NEIL2: variants seen among roughly 807,000 people sequenced by gnomAD.
The protein encoded by NEIL2 is nei like DNA glycosylase 2.
NEIL2 carries 23 observed loss-of-function variants against 22.2 expected under a neutral mutation model. The observed-to-expected ratio is 1.04, with a 90% CI of 0.75 to 1.47. The LOEUF is 1.47. NEIL2 is among the 40% of genes most tolerant of loss of function. The pLI is 0.00. For missense variants in NEIL2, 583 were observed against 404.7 expected, an observed-to-expected ratio of 1.44 and a Z score of -3.78; for synonymous variants, 229 against 164.8, an observed-to-expected ratio of 1.39 and a Z score of -2.99.
intron 4 of NEIL2, among the ~76,000 whole-genome samples, chr8:11,785,267 A>T (rs1354539520): frequency 1.3e-5 from 2 of 152,070 alleles, no homozygotes; most frequent in Non-Finnish European, 2.9e-5. Context: ...ACAATCTCAG[A>T]TTACTGCAAG....
chr8:11,784,589 C>T (rs1041916839), intron 4 of NEIL2, among the ~76,000 whole-genome samples: 9 of 152,208 alleles, frequency 5.9e-5, no homozygotes, highest in Non-Finnish European at 1.3e-4. Context: ...TCCAAACACA[C>T]AGACACTCAC....
Position 11,786,381 on chromosome 8 carries a change from C to T in NEIL2, c.*108C>T, listed in dbSNP as rs1804956817. 8.8e-6 allele frequency: 9 copies of T among 1,027,232 alleles called. No individual in the cohort carries two copies. The highest frequency in any genetic ancestry group is 1.3e-5 in the Non-Finnish European group (9 of 671,222). The allele number at this position is 1,027,232 out of a possible 1,614,324, so 63.6% of individuals were successfully genotyped here. A position where few individuals can be genotyped will look rare whatever the true frequency, so the allele number is the denominator to read the frequency against. ...ACGGGGTACAGAGGATAGTGTGGGT[C>T]AGAGGTGCCAGTAGTATAATATTCG... On this transcript the variant is annotated 3_prime_UTR_variant, in exon 5 of 5. Transcript: ENST00000284503.
At chr8:11,781,540 C>T (rs1159995134) in intron 3 of NEIL2, among the ~76,000 whole-genome samples, 1 of 152,202 alleles carries the variant, frequency 6.6e-6, no homozygotes, top group Non-Finnish European at 1.5e-5. Flanking sequence ...CTGGATTAGT[C>T]ACCAGCTGGA....
intron 2 of NEIL2, among the ~76,000 whole-genome samples, chr8:11,777,906 A>T (rs1804050384): frequency 6.6e-6 from 1 of 152,336 alleles, no homozygotes; most frequent in African/African-American, 2.4e-5. Flanking sequence ...CCTAATCTCA[A>T]AGTTGCCATC....
chr8:11,773,208 G>A (rs535789166), intron 2 of NEIL2, among the ~76,000 whole-genome samples: 6 of 152,202 alleles, frequency 3.9e-5, no homozygotes, highest in Non-Finnish European at 8.8e-5. Context: ...CACAGAGCTG[G>A]CTGTAAGAGA....
chr8:11,782,785 G>A (rs915594838), intron 3 of NEIL2: 2 of 276,148 alleles, frequency 7.2e-6, no homozygotes, highest in Non-Finnish European at 1.4e-5. Flanking sequence ...TAACGATGTG[G>A]GGATGTGTGT....
chr8:11,778,943 GAAAAAAAAA>G (rs57173797), intron 2 of NEIL2, among the ~76,000 whole-genome samples: 3 of 44,498 alleles, frequency 6.7e-5, no homozygotes, highest in Admixed American at 4.3e-4. Flanking sequence ...GACTCCATCT[GAAAAAAAAA>G]AAAAAAAAAA....
chr8:11,776,561 A>G (rs1803918793), intron 2 of NEIL2, among the ~76,000 whole-genome samples: 1 of 152,204 alleles, frequency 6.6e-6, no homozygotes, highest in Non-Finnish European at 1.5e-5. Flanking sequence ...GAGTATTCCT[A>G]GGAGTGGAAT....
At chr8:11,781,431 A>T (rs1297169460) in intron 3 of NEIL2, among the ~76,000 whole-genome samples, 1 of 152,252 alleles carries the variant, frequency 6.6e-6, no homozygotes, top group Non-Finnish European at 1.5e-5. Context: ...CAAAAAATCC[A>T]GAAGAAGAGC....
chr8:11,781,886 C>A (rs1585775115), intron 3 of NEIL2, among the ~76,000 whole-genome samples: 1 of 151,900 alleles, frequency 6.6e-6, no homozygotes, highest in East Asian at 1.9e-4. Context: ...ATAGTGAAGA[C>A]CCTGTTTGTA....
chr8:11,784,585 C>T (rs1804728814), intron 4 of NEIL2, among the ~76,000 whole-genome samples: 1 of 152,216 alleles, frequency 6.6e-6, no homozygotes, highest in Non-Finnish European at 1.5e-5. Context: ...TCACTCCAAA[C>T]ACACAGACAC....
At chr8:11,774,139 G>C (rs1054331509) in intron 2 of NEIL2, among the ~76,000 whole-genome samples, 5 of 152,150 alleles carry the variant, frequency 3.3e-5, no homozygotes, top group African/African-American at 1.2e-4. Context: ...ACTTTGGGAG[G>C]CAGAGGTGGG....
At position 11,779,699 on chromosome 8, in the gene NEIL2, G is replaced by A; in HGVS notation, c.240G>A (p.Lys80=). 2.5e-6 allele frequency: 4 copies of A among 1,614,162 alleles called. No homozygotes were observed. Among genetic ancestry groups the A allele is most frequent in the Non-Finnish European group, 3.4e-6 (4 of 1,180,020 alleles). The change falls in exon 3 of 5, where the codon AAG becomes AAA. Residue 80 remains lysine, a synonymous_variant. Transcript: ENST00000284503. ...AGCCTCCACAAAAAGAAGTGCAGAA[G>A]GAAGGGGCTGCGGACCCAAAGCAGG... ...TPEPPQKEVQ[K]EGAADPKQVG...
chr8:11,776,809 C>G (rs926095389), intron 2 of NEIL2, among the ~76,000 whole-genome samples: 1 of 152,188 alleles, frequency 6.6e-6, no homozygotes, highest in African/African-American at 2.4e-5. Context: ...TCTCTGCTCT[C>G]CCTCATCAGT....
intron 2 of NEIL2, among the ~76,000 whole-genome samples, chr8:11,774,208 C>G (rs951336405): frequency 4.6e-5 from 7 of 152,138 alleles, no homozygotes; most frequent in African/African-American, 1.7e-4. Context: ...AACCCCATCT[C>G]TACTAAAGAT....
In NEIL2 at chr8:11,770,204, GTCCATC is replaced by G. The variant is rs1407624624; in HGVS notation, c.-128_-123del. 1 of 152,154 alleles carries G rather than the reference GTCCATC, an allele frequency of 6.6e-6. No individual in the cohort carries two copies. Among genetic ancestry groups the G allele is most frequent in the Middle Eastern group, 3.2e-3 (1 of 316 alleles). 9.4% of individuals were successfully genotyped at this position (152,154 alleles called of 1,614,324 possible). On this transcript the variant is annotated 5_prime_UTR_variant, in exon 1 of 5. Coordinates refer to ENST00000284503, the MANE Select transcript of NEIL2 (RefSeq NM_145043.4). Reference sequence around the variant, plus strand: ...TGCAGAGGCGGCTTGCTTCCCACCTGTCCATCTCCATAAAAATCCCTAAACGAAACA... The same window carrying G: ...TGCAGAGGCGGCTTGCTTCCCACCTGTCCATAAAAATCCCTAAACGAAACA...
chr8:11,785,885 G>A, intron 4 of NEIL2, 78 bp from the exon 5 acceptor site: 2 of 1,339,144 alleles, frequency 1.5e-6, no homozygotes, highest in South Asian at 1.2e-5. Context: ...GCTGATTTCT[G>A]CCTTGTTAAC....
chr8:11,772,797 A>G (rs568626486), intron 2 of NEIL2, among the ~76,000 whole-genome samples: 6 of 152,180 alleles, frequency 3.9e-5, no homozygotes, highest in East Asian at 1.9e-4. Flanking sequence ...TCTTTCTTCT[A>G]TTGTAGAATG....
At chr8:11,771,710 C>A in intron 2 of NEIL2, 125 bp downstream of exon 2, 4 of 934,424 alleles carry the variant, frequency 4.3e-6, no homozygotes, top group Non-Finnish European at 6.5e-6. Context: ...GGACTCCATG[C>A]AGCTCCCTCT....
Sources: gnomAD v4.1 joint callset for allele counts (sites outside exome capture counted in the v4.1 genomes callset) on GRCh38, gnomAD v4.1.1 for gene constraint, MANE v1.5 for transcripts, NCBI Gene and HGNC (gene_info 2026-07-23, HGNC 2026-07-21) for gene names.